The following CAST variants were observed in gnomAD, a reference collection of about 807,000 sequenced individuals.
The protein encoded by CAST is MIR583 host.
Under a neutral mutation model 119.6 loss-of-function variants are expected in CAST, and 76 were observed. That is an observed-to-expected ratio of 0.64 (90% confidence interval 0.53 to 0.77). CAST has a LOEUF of 0.77. Ranked by LOEUF, CAST falls within the 30% of genes least tolerant of loss-of-function variation. The probability of loss-of-function intolerance (pLI) is 0.00; values close to 1 mark genes in which losing one functional copy is unlikely to be tolerated. For missense variants in CAST, 953 were observed against 946.5 expected (o/e 1.01, Z -0.09); for synonymous variants, 319 against 331.6 (o/e 0.96, Z 0.41).
At chr5:96,196,764 T>A in the CAST span, among the ~76,000 whole-genome samples, 1 of 152,234 alleles carries the variant, frequency 6.6e-6, no homozygotes, top group Non-Finnish European at 1.5e-5. Context: ...GAAATTTGAA[T>A]TTCTTCTAAA....
At position 96,754,721 on chromosome 5, in the gene CAST, T is replaced by C. The variant is rs140928951; in HGVS notation, c.1690T>C (p.Tyr564His). 1.5e-4 allele frequency: 247 copies of C among 1,604,140 alleles called. No homozygotes were observed. Among genetic ancestry groups the C allele is most frequent in the Admixed American group, 3.3e-4 (20 of 59,898 alleles). The change falls in exon 22 of 32, where the codon TAT becomes CAT. Residue 564 changes from tyrosine (Y) to histidine (H), a missense_variant. By Grantham distance (83) the Tyr-to-His change is moderately conservative. Transcript: ENST00000675179. Reference protein sequence around the residue: ...GEKEETIPPDYRLEEVKDKDG... With the variant: ...GEKEETIPPDHRLEEVKDKDG... ...AAAAGAAGAAACAATTCCTCCTGAT[T>C]ATAGATTAGAAGAGGTCAAGGTAAA...
the CAST span, among the ~76,000 whole-genome samples, chr5:95,963,483 G>T: frequency 1.3e-5 from 2 of 152,196 alleles, no homozygotes; most frequent in Admixed American, 6.5e-5. Flanking sequence ...CTGTTAAGAC[G>T]TGATTAACGC....
At chr5:96,130,541 T>A in the CAST span, among the ~76,000 whole-genome samples, 7 of 151,956 alleles carry the variant, frequency 4.6e-5, no homozygotes, top group Admixed American at 3.9e-4. Context: ...GTGACAAGTA[T>A]ACCATATTAA....
At chr5:96,720,596 C>G (rs1758057578) in intron 3 of CAST, among the ~76,000 whole-genome samples, 1 of 152,246 alleles carries the variant, frequency 6.6e-6, no homozygotes, top group South Asian at 2.1e-4. Context: ...GTGCTGCCAA[C>G]AGGGGCCAAG....
At chr5:96,176,884 A>G in the CAST span, among the ~76,000 whole-genome samples, 43 of 152,300 alleles carry the variant, frequency 2.8e-4, 1 homozygote, top group East Asian at 6.6e-3. Context: ...ATTCTTTAAT[A>G]ATGTGCCTTT....
the CAST span, among the ~76,000 whole-genome samples, chr5:96,364,561 T>C: frequency 6.6e-6 from 1 of 152,246 alleles, no homozygotes; most frequent in African/African-American, 2.4e-5. Context: ...GGAGGATGTA[T>C]GCGTTCAGGA....
chr5:96,355,876 A>G, the CAST span, among the ~76,000 whole-genome samples: 1 of 151,786 alleles, frequency 6.6e-6, no homozygotes, highest in East Asian at 1.9e-4. Context: ...TAATTTTTGT[A>G]TTTTTAGTAT....
chr5:96,171,252 G>A, the CAST span, among the ~76,000 whole-genome samples: 1 of 152,214 alleles, frequency 6.6e-6, no homozygotes, highest in Non-Finnish European at 1.5e-5. Flanking sequence ...TGTCAAGTTT[G>A]TATTGGGGCC....
At chr5:96,489,767 G>A in the CAST span, among the ~76,000 whole-genome samples, 1,281 of 152,210 alleles carry the variant, frequency 8.4e-3, 18 homozygotes, top group South Asian at 0.022. Flanking sequence ...CAACAACCCC[G>A]TGAAGATGCC....
At chr5:96,376,450 T>A in the CAST span, among the ~76,000 whole-genome samples, 3 of 151,802 alleles carry the variant, frequency 2.0e-5, no homozygotes, top group South Asian at 2.1e-4. Flanking sequence ...TTTTTTTTTT[T>A]ATTTTTTTGA....
chr5:95,969,657 A>T, the CAST span, among the ~76,000 whole-genome samples: 2 of 152,122 alleles, frequency 1.3e-5, no homozygotes, highest in Admixed American at 1.3e-4. Flanking sequence ...TGGCAGCTTT[A>T]TTTGAGTATG....
chr5:96,653,129 A>T (rs1748115304), intron 1 of CAST, among the ~76,000 whole-genome samples: 1 of 152,232 alleles, frequency 6.6e-6, no homozygotes. Flanking sequence ...CCAGGGACAC[A>T]TCTACTCTGT....
the CAST span, among the ~76,000 whole-genome samples, chr5:96,453,732 A>G: frequency 6.6e-6 from 1 of 152,258 alleles, no homozygotes; most frequent in African/African-American, 2.4e-5. Flanking sequence ...ACTAGACTCA[A>G]TAAAAAATGT....
At chr5:96,100,919 T>G in the CAST span, among the ~76,000 whole-genome samples, 1 of 152,122 alleles carries the variant, frequency 6.6e-6, no homozygotes. Context: ...TATGTGTGTG[T>G]GTGTATATAT....
At chr5:96,557,483 C>T (rs1746267450) in intron 1 of CAST, among the ~76,000 whole-genome samples, 1 of 151,902 alleles carries the variant, frequency 6.6e-6, no homozygotes, top group Admixed American at 6.6e-5. Context: ...TGCCGACACA[C>T]ACAGGCTCAA....
In CAST at chr5:96,762,255, A is replaced by C; in HGVS notation, c.1834-19A>C. 1 of 1,568,556 alleles carries C rather than the reference A, an allele frequency of 6.4e-7. No individual in the cohort carries two copies. The highest frequency in any genetic ancestry group is 2.3e-5 in the East Asian group (1 of 44,334). On this transcript the variant is annotated intron_variant, in intron 24 of 31. Transcript: ENST00000675179. ...TTTTATATACAACATGTTACTAATA[A>C]AATTTTTTTCAATAAAAGAAATTTG...
At chr5:96,082,681 G>A in the CAST span, among the ~76,000 whole-genome samples, 61 of 152,066 alleles carry the variant, frequency 4.0e-4, no homozygotes, top group African/African-American at 1.4e-3. Flanking sequence ...ACCTAGTACA[G>A]TATGATCATG....
chr5:95,977,979 G>GT, the CAST span, among the ~76,000 whole-genome samples: 3,526 of 144,190 alleles, frequency 0.024, 52 homozygotes, highest in South Asian at 0.072. Context: ...CAGGATCTTG[G>GT]TTTTTTTTTT....
chr5:96,453,738 A>T, the CAST span, among the ~76,000 whole-genome samples: 2 of 152,246 alleles, frequency 1.3e-5, no homozygotes, highest in Non-Finnish European at 2.9e-5. Context: ...CTCAATAAAA[A>T]ATGTTGATAT....
Sources: allele counts gnomAD v4.1 joint callset (sites outside exome capture counted in the v4.1 genomes callset), GRCh38; gene constraint gnomAD v4.1.1; transcripts MANE v1.5; gene names NCBI Gene and HGNC (gene_info 2026-07-23, HGNC 2026-07-21).